VPS13D: variants seen among roughly 807,000 people sequenced by gnomAD.
The protein encoded by VPS13D is intermembrane lipid transfer protein VPS13D.
In VPS13D, 187 loss-of-function variants were observed where a neutral mutation model predicts 461.9. The observed-to-expected ratio is 0.40, with a 90% confidence interval of 0.36 to 0.46. The LOEUF (loss-of-function observed/expected upper bound fraction) is 0.46, where lower values mean the gene tolerates loss of function less well. VPS13D is among the 20% of genes least tolerant of loss of function. The probability of loss-of-function intolerance (pLI) is 0.60; values close to 1 mark genes in which losing one functional copy is unlikely to be tolerated. For synonymous variants in VPS13D, 1,951 were observed against 1,986.3 expected, an observed-to-expected ratio of 0.98 and a Z score of 0.47; for missense variants, 4,711 against 5,364.9, an observed-to-expected ratio of 0.88 and a Z score of 3.81.
chr1:12,311,508 C>T lies in VPS13D; in HGVS notation c.6705C>T (p.Val2235=). The change falls in exon 28 of 70, where the codon GTC becomes GTT. Residue 2235 remains valine (V), a synonymous_variant. Transcript: ENST00000620676. ...CTATCCATGGCAATCTCTCCTCAGT[C>T]CACTGCTCTCTGGATCTGTATAAAT... The part of the protein sequence containing the change: ...DISIHGNLSS[V]HCSLDLYKYK... 1 of 1,614,112 alleles carries T rather than the reference C, an allele frequency of 6.2e-7. No individual in the cohort carries two copies. The highest frequency in any genetic ancestry group is 8.5e-7 in the Non-Finnish European group (1 of 1,180,012).
intron 40 of VPS13D, 108 bp from the exon 41 acceptor site, chr1:12,341,672 C>T: frequency 3.3e-6 from 3 of 896,254 alleles, no homozygotes; most frequent in East Asian, 2.5e-5. Flanking sequence ...CTTCCACCTT[C>T]AGCCCCTTTG....
At chr1:12,480,230 A>G (rs1645695492) in intron 67 of VPS13D, among the ~76,000 whole-genome samples, 1 of 152,222 alleles carries the variant, frequency 6.6e-6, no homozygotes, top group South Asian at 2.1e-4. Flanking sequence ...TTGCTCTGCC[A>G]TGCTGCCAAG....
chr1:12,283,017 G>T lies in VPS13D; in HGVS notation c.4915G>T (p.Ala1639Ser). 1 of 1,613,906 alleles carries T rather than the reference G, an allele frequency of 6.2e-7. No homozygotes were observed. Among genetic ancestry groups the T allele is most frequent in the Non-Finnish European group, 8.5e-7 (1 of 1,179,940 alleles). Residue 1639 changes from alanine to serine, a missense_variant, in exon 21 of 70, where the codon GCC (alanine) becomes TCC (serine). Physicochemically the swap from Ala to Ser is moderately conservative, Grantham distance 99. Around this residue, in one of 3 missense-constraint regions of VPS13D, gnomAD observed 4,411 missense variants for 4,937.8 expected, o/e 0.89. Transcript: ENST00000620676. ...GCTAAGTGGAGATCTGACTTTGGGG[G>T]CCCAAGGTCTTGTGAGCTTAAAGTT... ...VQLSGDLTLG[A>S]QGLVSLKFQD...
In VPS13D at chr1:12,386,260, C is replaced by G; in HGVS notation, c.11560C>G (p.Leu3854Val). 1.2e-6 allele frequency: 2 copies of G among 1,613,832 alleles called. No homozygotes were observed. The highest frequency in any genetic ancestry group is 1.7e-6 in the Non-Finnish European group (2 of 1,179,888). The change falls in exon 60 of 70, where the codon CTT (leucine) becomes GTT (valine). Residue 3854 changes from leucine to valine, a missense_variant. Coordinates refer to ENST00000620676, the MANE Select transcript of VPS13D (RefSeq NM_015378.4). ...KVPEELVFAS[L>V]TGINVHYTQL... ...CCCAGAAGAACTGGTCTTTGCAAGT[C>G]TTACAGGAATCAATGTGCACTATAC...
At chr1:12,302,406 T>G (rs1642448756) in intron 25 of VPS13D, among the ~76,000 whole-genome samples, 1 of 152,190 alleles carries the variant, frequency 6.6e-6, no homozygotes, top group Admixed American at 6.5e-5. Context: ...CAGATATATC[T>G]ATGTATGGGT....
chr1:12,261,929 A>G lies in VPS13D; in HGVS notation c.1443A>G (p.Ala481=), dbSNP rs1384614023. The G allele has an allele frequency of 6.2e-7, 1 of 1,613,386 alleles. No homozygotes were observed. Among genetic ancestry groups the G allele is most frequent in the Admixed American group, 1.7e-5 (1 of 59,972 alleles). ...LGTEEFFDPT[A]DASCMNTYTK... is the part of the protein sequence containing the mutation. ...CTGAGGAGTTTTTTGACCCCACTGC[A>G]GATGCCTCGTGTATGAACACGTATA... The change falls in exon 13 of 70, where the codon GCA becomes GCG. Residue 481 remains alanine, a synonymous_variant. Coordinates refer to ENST00000620676, the MANE Select transcript of VPS13D (RefSeq NM_015378.4).
At chr1:12,490,892 G>A (rs1316954154) in intron 67 of VPS13D, among the ~76,000 whole-genome samples, 1 of 152,222 alleles carries the variant, frequency 6.6e-6, no homozygotes, top group Non-Finnish European at 1.5e-5. Flanking sequence ...GGCTTCTTGG[G>A]CTTGCAGACA....
intron 2 of VPS13D, among the ~76,000 whole-genome samples, chr1:12,240,799 G>C (rs1233464789): frequency 9.6e-6 from 1 of 104,588 alleles, no homozygotes; most frequent in Non-Finnish European, 1.7e-5. Context: ...TCTGTTAGTC[G>C]TAAGGTATGG....
At chr1:12,506,809 C>T (rs372751390) in intron 68 of VPS13D, 44 bp from the exon 69 acceptor site, 64 of 1,593,468 alleles carry the variant, frequency 4.0e-5, no homozygotes, top group Admixed American at 1.2e-4. Flanking sequence ...TGATGCTGGG[C>T]GAAGCCCCAG....
chr1:12,369,389 C>T (rs1262247716), intron 53 of VPS13D, 78 bp from the exon 54 acceptor site: 2 of 1,317,022 alleles, frequency 1.5e-6, no homozygotes, highest in Admixed American at 4.0e-5. Flanking sequence ...GGAACTTAAA[C>T]CTACAAAGCA....
At chr1:12,329,118 CA>C (rs1330998236) in intron 36 of VPS13D, among the ~76,000 whole-genome samples, 1 of 152,212 alleles carries the variant, frequency 6.6e-6, no homozygotes, top group African/African-American at 2.4e-5. Context: ...TTTTCTATGT[CA>C]ATCTTAACAT....
Position 12,256,324 on chromosome 1 carries a change from G to T in VPS13D, c.670-9G>T. The T allele has an allele frequency of 6.2e-7, 1 of 1,612,488 alleles. No homozygotes were observed. Among genetic ancestry groups the T allele is most frequent in the South Asian group, 1.1e-5 (1 of 90,930 alleles). ...TTCGGAGCAGAGCAGGTGTTCTTGT[G>T]ACACACAGGAGGCCATGGCCAGGAG... On this transcript the variant is annotated splice_polypyrimidine_tract_variant and intron_variant, in intron 7 of 69. Coordinates refer to ENST00000620676, the MANE Select transcript of VPS13D (RefSeq NM_015378.4).
chr1:12,430,193 G>A (rs1455894580), intron 65 of VPS13D, among the ~76,000 whole-genome samples: 1 of 152,158 alleles, frequency 6.6e-6, no homozygotes, highest in Non-Finnish European at 1.5e-5. Context: ...AAAAGAGGAG[G>A]CACTCATGGC....
intron 34 of VPS13D, among the ~76,000 whole-genome samples, 159 bp downstream of exon 34, chr1:12,322,905 T>C: frequency 6.6e-6 from 1 of 152,352 alleles, no homozygotes; most frequent in Middle Eastern, 3.4e-3. Flanking sequence ...TTTTTTAAAA[T>C]TTAAAAACAA....
intron 50 of VPS13D, among the ~76,000 whole-genome samples, chr1:12,361,419 G>T (rs1437566167): frequency 7.6e-6 from 1 of 131,944 alleles, no homozygotes; most frequent in African/African-American, 3.2e-5. Context: ...TTTTTGAGAC[G>T]GAGTCTCGCT....
chr1:12,272,470 AAG>A (rs780072730), intron 17 of VPS13D, among the ~76,000 whole-genome samples: 4 of 151,540 alleles, frequency 2.6e-5, no homozygotes, highest in Non-Finnish European at 5.9e-5. Flanking sequence ...TTGTAAACAA[AAG>A]AGGTTTCTTT....
intron 47 of VPS13D, among the ~76,000 whole-genome samples, chr1:12,354,583 G>A (rs544021554): frequency 2.0e-5 from 3 of 152,090 alleles, no homozygotes; most frequent in Admixed American, 6.5e-5. Context: ...TTATCAAGCC[G>A]AAAGGTTTAC....
intron 65 of VPS13D, among the ~76,000 whole-genome samples, chr1:12,437,709 G>A (rs796664607): frequency 7.2e-5 from 11 of 152,074 alleles, no homozygotes; most frequent in African/African-American, 2.4e-4. Context: ...CGTAGTTTTA[G>A]TTTTCCATGT....
intron 67 of VPS13D, among the ~76,000 whole-genome samples, chr1:12,489,146 A>C (rs1240846897): frequency 6.6e-6 from 1 of 152,190 alleles, no homozygotes; most frequent in Non-Finnish European, 1.5e-5. Context: ...AGCCATTAAC[A>C]GGTAGTCTCG....
Sources: allele counts gnomAD v4.1 joint callset (sites outside exome capture counted in the v4.1 genomes callset), GRCh38; gene constraint gnomAD v4.1.1; regional missense constraint gnomAD v4.1.1; transcripts MANE v1.5; gene names NCBI Gene and HGNC (gene_info 2026-07-23, HGNC 2026-07-21).